The following ELMO1 variants were observed in gnomAD, a reference collection of about 807,000 sequenced individuals.
The protein encoded by ELMO1 is engulfment and cell motility protein 1.
Under a neutral mutation model 98.9 loss-of-function variants are expected in ELMO1, and 26 were observed. The observed-to-expected ratio is 0.26, with a 90% CI of 0.19 to 0.36. The LOEUF (loss-of-function observed/expected upper bound fraction) is 0.36, where lower values mean the gene tolerates loss of function less well. Among genes scored for constraint, ELMO1 ranks in the 10% least tolerant of loss-of-function variants. The probability of loss-of-function intolerance (pLI) is 1.00; values close to 1 mark genes in which losing one functional copy is unlikely to be tolerated. For missense variants in ELMO1, 627 were observed against 935.2 expected, an observed-to-expected ratio of 0.67 and a Z score of 4.30; for synonymous variants, 346 against 346.0, an observed-to-expected ratio of 1.00 and a Z score of 0.00.
intron 6 of ELMO1, among the ~76,000 whole-genome samples, chr7:37,248,497 A>G (rs1795143954): frequency 6.6e-6 from 1 of 152,222 alleles, no homozygotes; most frequent in Non-Finnish European, 1.5e-5. Flanking sequence ...GACAAAGCCC[A>G]AGAAGGTTGG....
At position 36,855,472 on chromosome 7, in the gene ELMO1, G is replaced by A; in HGVS notation, c.*79C>T. On this transcript the variant is annotated 3_prime_UTR_variant, in exon 22 of 22. Coordinates refer to ENST00000310758, the MANE Select transcript of ELMO1 (RefSeq NM_014800.11). This position sits in a 1 kb window ranked among gnomAD's most constrained non-coding sequence, Gnocchi z 4.2. ...CCCTTTACCAAAGGACGGTTCCAAGGCGTGGGTGTGTTTTCATTCCTCTCT... is the reference window on the plus strand; with the variant it reads ...CCCTTTACCAAAGGACGGTTCCAAGACGTGGGTGTGTTTTCATTCCTCTCT... 4 of 1,563,282 alleles carry A rather than the reference G, an allele frequency of 2.6e-6. No homozygotes were observed. Among genetic ancestry groups the A allele is most frequent in the Non-Finnish European group, 2.6e-6 (3 of 1,138,060 alleles).
At chr7:36,869,409 G>A (rs1803326606) in intron 20 of ELMO1, among the ~76,000 whole-genome samples, 2 of 152,092 alleles carry the variant, frequency 1.3e-5, no homozygotes. Flanking sequence ...GCAAAGAACT[G>A]GATTCCCTGT....
At chr7:37,377,383 A>G (rs1051833698) in intron 1 of ELMO1, among the ~76,000 whole-genome samples, 1 of 152,138 alleles carries the variant, frequency 6.6e-6, no homozygotes, top group African/African-American at 2.4e-5. Context: ...AAGTCACTTG[A>G]GGCAGATCTT....
chr7:37,341,121 T>C (rs1247296369), intron 2 of ELMO1, among the ~76,000 whole-genome samples: 1 of 77,580 alleles, frequency 1.3e-5, no homozygotes, highest in African/African-American at 4.3e-5. Context: ...GATTCTGCAT[T>C]TCTAATGTGC....
At chr7:37,083,130 C>T (rs1487731156) in intron 15 of ELMO1, among the ~76,000 whole-genome samples, 1 of 152,124 alleles carries the variant, frequency 6.6e-6, no homozygotes, top group South Asian at 2.1e-4. Flanking sequence ...GGTAGTGGAG[C>T]CAGAACTAGA....
chr7:37,024,241 C>T (rs1323950909), intron 15 of ELMO1, among the ~76,000 whole-genome samples: 2 of 152,154 alleles, frequency 1.3e-5, no homozygotes, highest in East Asian at 3.9e-4. Flanking sequence ...ATCTGTGTGA[C>T]CTTGAGCTCA....
At chr7:36,902,420 C>A (rs868631942) in intron 16 of ELMO1, among the ~76,000 whole-genome samples, 1 of 152,182 alleles carries the variant, frequency 6.6e-6, no homozygotes, top group African/African-American at 2.4e-5. Flanking sequence ...TAATTTAGAG[C>A]CAAAGCCAGT....
intron 13 of ELMO1, 30 bp from the exon 14 acceptor site, chr7:37,133,264 G>A (rs1478428181): frequency 6.4e-7 from 1 of 1,555,686 alleles, no homozygotes. Context: ...ATGATAAGGT[G>A]AATTCTTCAG....
chr7:37,220,448 CTT>C (rs1793529213), intron 10 of ELMO1, among the ~76,000 whole-genome samples: 1 of 152,146 alleles, frequency 6.6e-6, no homozygotes, highest in South Asian at 2.1e-4. Context: ...TTAGACTACT[CTT>C]TGTCATGGTT....
At chr7:37,339,799 C>T (rs996657726) in intron 2 of ELMO1, among the ~76,000 whole-genome samples, 25 of 152,110 alleles carry the variant, frequency 1.6e-4, no homozygotes, top group Non-Finnish European at 1.5e-5. Context: ...ACTGTTTACA[C>T]TTGTCATCTG....
At chr7:36,872,995 T>C (rs1177370213) in intron 19 of ELMO1, among the ~76,000 whole-genome samples, 1 of 152,054 alleles carries the variant, frequency 6.6e-6, no homozygotes, top group Non-Finnish European at 1.5e-5. Flanking sequence ...TGGGGGGTGG[T>C]CTTCAGAATC....
At chr7:36,861,558 T>G in intron 21 of ELMO1, 101 bp downstream of exon 21, 1 of 1,386,698 alleles carries the variant, frequency 7.2e-7, no homozygotes, top group Admixed American at 1.9e-5. Context: ...GGTTCATCAT[T>G]TTTTCAGGCA....
At chr7:37,172,668 T>C (rs1394377948) in intron 13 of ELMO1, among the ~76,000 whole-genome samples, 1 of 152,234 alleles carries the variant, frequency 6.6e-6, no homozygotes, top group Admixed American at 6.5e-5. Context: ...AGGGCTTGTC[T>C]TAGGCGAGTA....
At chr7:37,358,749 G>A (rs1469027426) in intron 1 of ELMO1, among the ~76,000 whole-genome samples, 1 of 152,212 alleles carries the variant, frequency 6.6e-6, no homozygotes, top group Non-Finnish European at 1.5e-5. Context: ...GAGGCAGACA[G>A]ACCTGGACTG....
chr7:37,011,695 G>A (rs766215055), intron 16 of ELMO1, among the ~76,000 whole-genome samples: 44 of 152,310 alleles, frequency 2.9e-4, no homozygotes, highest in South Asian at 2.1e-4. Flanking sequence ...TCCCCAGCTC[G>A]CAAAGCTGAG....
At chr7:37,320,084 G>A (rs1416976780) in intron 2 of ELMO1, among the ~76,000 whole-genome samples, 2 of 151,992 alleles carry the variant, frequency 1.3e-5, no homozygotes, top group Non-Finnish European at 2.9e-5. Context: ...GTGAAACCCT[G>A]TCTCTACTAA....
intron 5 of ELMO1, among the ~76,000 whole-genome samples, chr7:37,259,929 A>G (rs1795895511): frequency 6.6e-6 from 1 of 152,218 alleles, no homozygotes; most frequent in African/African-American, 2.4e-5. Flanking sequence ...TTTCACATGC[A>G]TTGGCTACTT....
In ELMO1 at chr7:37,188,903, C is replaced by T. The variant is rs556203550; in HGVS notation, c.1086+22483G>A. ...GCAGTAAAGACAAGTTTCATCATTG[C>T]TGCAGCTCAGTTCATGTGTTTCTGA... On this transcript the variant is annotated intron_variant, in intron 13 of 21. Coordinates refer to ENST00000310758, the MANE Select transcript of ELMO1 (RefSeq NM_014800.11). Among the ~76,000 whole-genome samples the T allele has an allele frequency of 4.3e-5, 6 of 139,152 alleles. No homozygotes were observed. The East Asian group carries it at 9.1e-4, about 21-fold the overall frequency. 91.3% of individuals were successfully genotyped at this position (139,152 alleles called of 152,430 possible).
intron 16 of ELMO1, chr7:36,919,529 T>C (rs1784971882): frequency 2.5e-6 from 1 of 396,500 alleles, no homozygotes; most frequent in Non-Finnish European, 5.5e-6. Context: ...ATCTGTAAAA[T>C]GGGATAATGG....
Sources: allele counts gnomAD v4.1 joint callset (sites outside exome capture counted in the v4.1 genomes callset), GRCh38; gene constraint gnomAD v4.1.1; non-coding constraint Gnocchi (gnomAD v3.1); transcripts MANE v1.5; gene names NCBI Gene and HGNC (gene_info 2026-07-23, HGNC 2026-07-21).